The following PCDH9 variants were observed in gnomAD, a reference collection of about 807,000 sequenced individuals.
PCDH9 encodes the protein protocadherin 9, also known as protocadherin-9.
PCDH9 carries 24 observed loss-of-function variants against 70.6 expected under a neutral mutation model. The observed-to-expected ratio is 0.34, with a 90% confidence interval of 0.25 to 0.48. The LOEUF is 0.48. Ranked by LOEUF, PCDH9 falls within the 20% of genes least tolerant of loss-of-function variation. PCDH9 has a pLI of 0.99. For synonymous variants in PCDH9, 562 were observed against 558.5 expected, an observed-to-expected ratio of 1.01 and a Z score of -0.09; for missense variants, 1,281 against 1,503.6, an observed-to-expected ratio of 0.85 and a Z score of 2.45.
chr13:66,431,943 G>A (rs896173487), intron 4 of PCDH9, among the ~76,000 whole-genome samples: 3 of 151,910 alleles, frequency 2.0e-5, no homozygotes, highest in African/African-American at 7.2e-5. Flanking sequence ...AACATTGTTG[G>A]TTTTGATTAA....
At chr13:66,457,375 C>A (rs1199685908) in intron 4 of PCDH9, among the ~76,000 whole-genome samples, 4 of 151,944 alleles carry the variant, frequency 2.6e-5, no homozygotes, top group Non-Finnish European at 4.4e-5. Flanking sequence ...ATTGATGAAC[C>A]AAATAATTCA....
intron 4 of PCDH9, among the ~76,000 whole-genome samples, chr13:66,563,674 C>A (rs141857954): frequency 7.9e-5 from 12 of 152,244 alleles, no homozygotes; most frequent in Non-Finnish European, 1.6e-4. Flanking sequence ...ATACCTCAAG[C>A]CCATTCAATT....
At chr13:66,707,317 T>G (rs2078724815) in intron 3 of PCDH9, among the ~76,000 whole-genome samples, 1 of 152,208 alleles carries the variant, frequency 6.6e-6, no homozygotes, top group Admixed American at 6.5e-5. Context: ...ATATTTGTGC[T>G]GTTGACTTAT....
intron 3 of PCDH9, among the ~76,000 whole-genome samples, chr13:66,636,793 A>G (rs953933192): frequency 7.9e-5 from 12 of 151,996 alleles, no homozygotes; most frequent in African/African-American, 2.9e-4. Flanking sequence ...CACACATACC[A>G]TCAAGAAAGT....
chr13:66,892,810 TC>T (rs2082117374), intron 3 of PCDH9, among the ~76,000 whole-genome samples: 1 of 152,050 alleles, frequency 6.6e-6, no homozygotes, highest in Non-Finnish European at 1.5e-5. Flanking sequence ...AGCAGGGACT[TC>T]AAAAAATACC....
chr13:66,489,436 G>T (rs1958997569), intron 4 of PCDH9, among the ~76,000 whole-genome samples: 1 of 152,024 alleles, frequency 6.6e-6, no homozygotes, highest in Non-Finnish European at 1.5e-5. Flanking sequence ...TCAGCTTCCT[G>T]AGTAGCTGGG....
intron 2 of PCDH9, among the ~76,000 whole-genome samples, chr13:66,927,358 G>A (rs979243516): frequency 2.0e-5 from 3 of 151,986 alleles, no homozygotes; most frequent in Admixed American, 6.6e-5. Flanking sequence ...GACACATAGA[G>A]GGAACGACAC....
chr13:66,415,456 C>T (rs1950212183), intron 4 of PCDH9, among the ~76,000 whole-genome samples: 1 of 152,112 alleles, frequency 6.6e-6, no homozygotes, highest in Admixed American at 6.5e-5. Context: ...GGGTAGAATC[C>T]ATTGTGTGTC....
At chr13:66,848,984 T>C (rs1013677098) in intron 3 of PCDH9, among the ~76,000 whole-genome samples, 1 of 147,832 alleles carries the variant, frequency 6.8e-6, no homozygotes, top group African/African-American at 2.5e-5. Context: ...TCATTGGTTA[T>C]AAAGAGCATA....
At chr13:66,989,795 G>C (rs2083965083) in intron 2 of PCDH9, among the ~76,000 whole-genome samples, 1 of 151,790 alleles carries the variant, frequency 6.6e-6, no homozygotes, top group East Asian at 1.9e-4. Flanking sequence ...GAATATTAAA[G>C]AACAGGGTGA....
At chr13:66,878,177 G>GT (rs1181859567) in intron 3 of PCDH9, among the ~76,000 whole-genome samples, 2 of 152,056 alleles carry the variant, frequency 1.3e-5, no homozygotes, top group East Asian at 3.9e-4. Flanking sequence ...GAGGTTAAAT[G>GT]TAAGGGCCGT....
chr13:67,124,822 A>G (rs1483266084), intron 2 of PCDH9, among the ~76,000 whole-genome samples: 1 of 152,196 alleles, frequency 6.6e-6, no homozygotes, highest in Admixed American at 6.5e-5. Context: ...AGGAGTGAGA[A>G]CAGAAGGAGA....
At chr13:67,020,135 T>C (rs967631992) in intron 2 of PCDH9, among the ~76,000 whole-genome samples, 1 of 152,188 alleles carries the variant, frequency 6.6e-6, no homozygotes, top group African/African-American at 2.4e-5. Flanking sequence ...GTCTGTAGTA[T>C]ATGTTTCTTT....
rs574556586 is a variant in PCDH9 at position 66,717,822 on chromosome 13, T to G, written c.3139-86411A>C. Among the ~76,000 whole-genome samples, 7 of 152,262 alleles carry G rather than the reference T, an allele frequency of 4.6e-5. 1 individual carries two copies. In the South Asian group the frequency reaches 1.4e-3, roughly 32 times the overall value. On this transcript the variant is annotated intron_variant, in intron 3 of 4. Coordinates refer to ENST00000377865, the MANE Select transcript of PCDH9 (RefSeq NM_203487.3). ...AACAGAACTTCCTAAATGCCTCATA[T>G]GTACATATTGGTATGTCCAACACAA...
chr13:66,441,107 G>T (rs1222730288), intron 4 of PCDH9, among the ~76,000 whole-genome samples: 2 of 152,134 alleles, frequency 1.3e-5, no homozygotes, highest in Non-Finnish European at 2.9e-5. Context: ...AAATGAAATT[G>T]CTTTTTTATT....
chr13:66,559,427 G>A (rs2138699964), intron 4 of PCDH9, among the ~76,000 whole-genome samples: 1 of 152,242 alleles, frequency 6.6e-6, no homozygotes, highest in East Asian at 1.9e-4. Context: ...CTCTTCAGGA[G>A]GATATGATCT....
At chr13:67,134,929 G>A (rs989305601) in intron 2 of PCDH9, among the ~76,000 whole-genome samples, 13 of 152,072 alleles carry the variant, frequency 8.5e-5, no homozygotes, top group Non-Finnish European at 1.6e-4. Context: ...CATAGAAACT[G>A]TAAAGGAGCT....
At chr13:67,036,346 A>G (rs2085008761) in intron 2 of PCDH9, among the ~76,000 whole-genome samples, 1 of 152,124 alleles carries the variant, frequency 6.6e-6, no homozygotes, top group African/African-American at 2.4e-5. Flanking sequence ...TCAAATCTCT[A>G]TTCCTACATA....
chr13:67,183,853 A>G (rs1164290553), intron 2 of PCDH9, among the ~76,000 whole-genome samples: 1 of 152,220 alleles, frequency 6.6e-6, no homozygotes, highest in Admixed American at 6.5e-5. Flanking sequence ...TTCAAGGAAC[A>G]AGAATTTAAA....
Sources: allele counts gnomAD v4.1 joint callset (sites outside exome capture counted in the v4.1 genomes callset), GRCh38; gene constraint gnomAD v4.1.1; transcripts MANE v1.5; gene names NCBI Gene and HGNC (gene_info 2026-07-23, HGNC 2026-07-21).